RALYL: variants seen among roughly 807,000 people sequenced by gnomAD.
The protein encoded by RALYL is RALY RNA binding protein like.
In RALYL, 29 loss-of-function variants were observed where a neutral mutation model predicts 35.1. The ratio of observed to expected loss-of-function variants is 0.83; its 90% CI spans 0.61 to 1.13. The LOEUF (loss-of-function observed/expected upper bound fraction) is 1.13. Ranked by LOEUF, RALYL falls within the 50% of genes most tolerant of loss-of-function variation. The pLI is 0.00. For synonymous variants in RALYL, 120 were observed against 127.6 expected (o/e 0.94, Z 0.40); for missense variants, 359 against 360.4 (o/e 1.00, Z 0.03).
chr8:84,287,807 G>C (rs1475685473), intron 1 of RALYL, among the ~76,000 whole-genome samples: 1 of 152,076 alleles, frequency 6.6e-6, no homozygotes, highest in Non-Finnish European at 1.5e-5. Flanking sequence ...TTAGAAATGG[G>C]GTCATTTGGG....
At chr8:84,827,675 C>G (rs890865527) in intron 4 of RALYL, among the ~76,000 whole-genome samples, 3 of 151,980 alleles carry the variant, frequency 2.0e-5, no homozygotes, top group African/African-American at 7.2e-5. Context: ...TATGACAAAT[C>G]CAGTACAATA....
chr8:84,709,227 C>G (rs1425556932), intron 2 of RALYL, among the ~76,000 whole-genome samples: 5 of 152,160 alleles, frequency 3.3e-5, no homozygotes, highest in African/African-American at 1.2e-4. Flanking sequence ...CTCATTGCCT[C>G]CATAACACAA....
chr8:84,272,812 G>GA (rs1299138034), intron 1 of RALYL, among the ~76,000 whole-genome samples: 1 of 152,132 alleles, frequency 6.6e-6, no homozygotes, highest in Non-Finnish European at 1.5e-5. Flanking sequence ...CAGTTAATTA[G>GA]AAAAAGTTGA....
chr8:84,660,863 G>A (rs537587289), intron 2 of RALYL, among the ~76,000 whole-genome samples: 2 of 152,132 alleles, frequency 1.3e-5, no homozygotes, highest in South Asian at 4.2e-4. Context: ...TTTTCAGGAT[G>A]TAGAATTTAG....
chr8:84,764,552 A>T (rs573405674), intron 2 of RALYL, among the ~76,000 whole-genome samples: 1 of 152,338 alleles, frequency 6.6e-6, no homozygotes, highest in South Asian at 2.1e-4. Flanking sequence ...ACTAGTAAGA[A>T]GTTCAAGTTT....
At chr8:84,615,513 G>A (rs1454264916) in intron 2 of RALYL, among the ~76,000 whole-genome samples, 1 of 141,236 alleles carries the variant, frequency 7.1e-6, no homozygotes, top group Admixed American at 7.0e-5. Context: ...AGTTTAAACA[G>A]TGTACTACAA....
intron 1 of RALYL, among the ~76,000 whole-genome samples, chr8:84,357,302 C>T (rs1426309231): frequency 1.3e-5 from 2 of 152,010 alleles, no homozygotes; most frequent in Non-Finnish European, 2.9e-5. Context: ...GTAAGATCAA[C>T]TGAAAGCAAA....
chr8:84,307,868 A>G (rs959082835), intron 1 of RALYL, among the ~76,000 whole-genome samples: 6 of 148,764 alleles, frequency 4.0e-5, no homozygotes, highest in Non-Finnish European at 8.9e-5. Flanking sequence ...TGTTTCTCAC[A>G]AAAAAAGGGC....
chr8:84,883,118 C>A (rs1365672), intron 7 of RALYL, among the ~76,000 whole-genome samples: 69,546 of 151,762 alleles, frequency 0.46, 18,944 homozygotes, highest in African/African-American at 0.75. Flanking sequence ...ACTCCTGTGA[C>A]TCAATACCAT....
intron 1 of RALYL, among the ~76,000 whole-genome samples, chr8:84,232,415 G>T (rs1825581033): frequency 6.6e-6 from 1 of 150,816 alleles, no homozygotes; most frequent in Non-Finnish European, 1.5e-5. Flanking sequence ...GAAATAAAAT[G>T]ATAATGAGAT....
chr8:84,196,160 T>G (rs1458671388), intron 1 of RALYL, among the ~76,000 whole-genome samples: 1 of 152,256 alleles, frequency 6.6e-6, no homozygotes, highest in East Asian at 1.9e-4. Flanking sequence ...TATTTTGTTT[T>G]ATTCTGAACC....
chr8:84,206,465 C>G (rs571806489), intron 1 of RALYL, among the ~76,000 whole-genome samples: 1 of 152,032 alleles, frequency 6.6e-6, no homozygotes. Context: ...GCTATATACA[C>G]GAGACACTGA....
intron 1 of RALYL, among the ~76,000 whole-genome samples, chr8:84,332,735 G>A (rs1044406727): frequency 6.6e-6 from 1 of 152,016 alleles, no homozygotes; most frequent in Non-Finnish European, 1.5e-5. Context: ...TTTACAAGAG[G>A]ATCCATGAGC....
rs1835833085 is a variant in RALYL at position 84,851,369 on chromosome 8, T to C, written c.413+1342T>C. Among the ~76,000 whole-genome samples the C allele has an allele frequency of 9.2e-5, 14 of 152,226 alleles. 1 individual carries two copies. The highest frequency in any genetic ancestry group is 9.2e-4 in the Admixed American group (14 of 15,286). On this transcript the variant is annotated intron_variant, in intron 5 of 8. Coordinates refer to ENST00000521268, the MANE Select transcript of RALYL (RefSeq NM_173848.7). ...TTTATTAAATTACTTACCGTTTATA[T>C]GTTGTAGTAACTAAAATTTGTGTTG...
chr8:84,431,062 A>G (rs2047087819), intron 1 of RALYL, among the ~76,000 whole-genome samples: 1 of 152,194 alleles, frequency 6.6e-6, no homozygotes, highest in Non-Finnish European at 1.5e-5. Flanking sequence ...TGGGAGAATT[A>G]GCTGACTGAT....
At chr8:84,651,715 A>C (rs935404594) in intron 2 of RALYL, among the ~76,000 whole-genome samples, 3 of 152,092 alleles carry the variant, frequency 2.0e-5, no homozygotes, top group Non-Finnish European at 4.4e-5. Flanking sequence ...TATATGAAAA[A>C]AACTTAAGAG....
At chr8:84,722,410 G>A (rs1012687543) in intron 2 of RALYL, among the ~76,000 whole-genome samples, 2 of 151,496 alleles carry the variant, frequency 1.3e-5, no homozygotes, top group South Asian at 4.2e-4. Flanking sequence ...GGGTAAAGTG[G>A]CCAAGGTCAT....
intron 1 of RALYL, among the ~76,000 whole-genome samples, chr8:84,456,564 A>G (rs2050162804): frequency 6.6e-6 from 1 of 152,010 alleles, no homozygotes; most frequent in South Asian, 2.1e-4. Flanking sequence ...TGAATGAATG[A>G]TTCATTGTCT....
chr8:84,386,002 C>G (rs191974052), intron 1 of RALYL, among the ~76,000 whole-genome samples: 1 of 151,856 alleles, frequency 6.6e-6, no homozygotes, highest in Non-Finnish European at 1.5e-5. Context: ...CACTCTGTCT[C>G]TCTCCTCTCT....
Sources: allele counts gnomAD v4.1 joint callset (sites outside exome capture counted in the v4.1 genomes callset), GRCh38; gene constraint gnomAD v4.1.1; transcripts MANE v1.5; gene names NCBI Gene and HGNC (gene_info 2026-07-23, HGNC 2026-07-21).